The following FBXO32 variants were observed in gnomAD, a reference collection of about 807,000 sequenced individuals.
FBXO32 encodes F-box only protein 32.
In FBXO32, 15 loss-of-function variants were observed where a neutral mutation model predicts 48.3. That is an observed-to-expected ratio of 0.31 (90% CI 0.21 to 0.48). The LOEUF (loss-of-function observed/expected upper bound fraction) is 0.48, where lower values mean the gene tolerates loss of function less well. Ranked by LOEUF, FBXO32 falls within the 20% of genes least tolerant of loss-of-function variation. The pLI, the probability that FBXO32 is intolerant of heterozygous loss-of-function variation, is 0.99. For missense variants in FBXO32, 309 were observed against 432.7 expected, an observed-to-expected ratio of 0.71 and a Z score of 2.54; for synonymous variants, 154 against 165.9, an observed-to-expected ratio of 0.93 and a Z score of 0.55.
chr8:123,528,079 T>C (rs1274229745), intron 4 of FBXO32, among the ~76,000 whole-genome samples: 1 of 152,222 alleles, frequency 6.6e-6, no homozygotes, highest in Non-Finnish European at 1.5e-5. Context: ...CTGATTGGGA[T>C]CACCAGGCAG....
At chr8:123,537,621 A>C (rs1817333239) in intron 1 of FBXO32, among the ~76,000 whole-genome samples, 1 of 152,168 alleles carries the variant, frequency 6.6e-6, no homozygotes, top group Admixed American at 6.5e-5. Flanking sequence ...GCCAGTAGAG[A>C]TTTCTACACC....
At chr8:123,521,973 G>T (rs910402703) in intron 4 of FBXO32, among the ~76,000 whole-genome samples, 2 of 152,074 alleles carry the variant, frequency 1.3e-5, no homozygotes, top group African/African-American at 4.8e-5. Context: ...AAAAAACCTG[G>T]AAAGTTTTGT....
intron 8 of FBXO32, among the ~76,000 whole-genome samples, chr8:123,503,978 G>A (rs1816556809): frequency 6.6e-6 from 1 of 151,930 alleles, no homozygotes; most frequent in African/African-American, 2.4e-5. Flanking sequence ...ACTCGGGGAG[G>A]CTGAAGCAGG....
intron 4 of FBXO32, among the ~76,000 whole-genome samples, chr8:123,515,637 C>A (rs183338099): frequency 1.3e-5 from 2 of 152,080 alleles, no homozygotes; most frequent in Admixed American, 6.6e-5. Flanking sequence ...GAAGTTAGTG[C>A]GTACTTAGTC....
rs888270095 is a variant in FBXO32, at chr8:123,541,074, G to T, written c.-60C>A. On this transcript the variant is annotated 5_prime_UTR_variant, in exon 1 of 9. Transcript: ENST00000517956. The stretch of plus-strand genomic sequence containing the variant: ...GGGCCGGCCTGGTGGGCTCGGGGAC[G>T]TGCCACCCGGGGCGGATGCTCGGGG... 2 of 1,185,840 alleles carry T rather than the reference G, an allele frequency of 1.7e-6. No individual in the cohort carries two copies. Among genetic ancestry groups the T allele is most frequent in the Admixed American group, 5.4e-5 (2 of 37,026 alleles). The allele number at this position is 1,185,840 out of a possible 1,614,324, so 73.5% of individuals were successfully genotyped here. A position where few individuals can be genotyped will look rare whatever the true frequency, so the allele number is the denominator to read the frequency against.
intron 4 of FBXO32, among the ~76,000 whole-genome samples, chr8:123,520,601 AGTTT>A (rs1384297337): frequency 1.3e-5 from 2 of 152,176 alleles, no homozygotes; most frequent in Non-Finnish European, 2.9e-5. Context: ...TATCAACCAA[AGTTT>A]GAAGTGGTGT....
intron 4 of FBXO32, among the ~76,000 whole-genome samples, chr8:123,523,602 C>CAAACA (rs1554662857): frequency 2.6e-5 from 3 of 114,636 alleles, no homozygotes; most frequent in African/African-American, 9.0e-5. Context: ...ACAAAACAAA[C>CAAACA]AACAACAACA....
chr8:123,511,364 T>C (rs1262051446), intron 6 of FBXO32, among the ~76,000 whole-genome samples: 4 of 152,092 alleles, frequency 2.6e-5, no homozygotes, highest in African/African-American at 9.7e-5. Flanking sequence ...GTTCTGAGCA[T>C]GTGAGCCTAT....
chr8:123,535,122 A>C (rs1162222711), intron 1 of FBXO32, among the ~76,000 whole-genome samples: 1 of 152,170 alleles, frequency 6.6e-6, no homozygotes, highest in Non-Finnish European at 1.5e-5. Flanking sequence ...AGAGCAATGC[A>C]GAGTATTACC....
At chr8:123,536,987 C>T (rs1817321315) in intron 1 of FBXO32, among the ~76,000 whole-genome samples, 2 of 152,102 alleles carry the variant, frequency 1.3e-5, no homozygotes, top group South Asian at 4.1e-4. Flanking sequence ...AAAGTTTTAA[C>T]CAAAGAGAAA....
In FBXO32 at chr8:123,540,802, T is replaced by C. The variant is rs980089031; in HGVS notation, c.116+97A>G. The C allele has an allele frequency of 1.0e-4, 107 of 1,065,642 alleles. 1 individual carries two copies. The Middle Eastern group carries it at 1.2e-3, about 12-fold the overall frequency. 66.0% of individuals were successfully genotyped at this position (1,065,642 alleles called of 1,614,324 possible). A position where few individuals can be genotyped will look rare whatever the true frequency, so the allele number is the denominator to read the frequency against. On this transcript the variant is annotated intron_variant, in intron 1 of 8. Transcript: ENST00000517956. The surrounding 1 kb of genome is among the most constrained non-coding windows in gnomAD (Gnocchi z 6.4). ...GTCAGGGTCTCCCTCCTCAGCCCGC[T>C]CCAGCCCTGCCTGCCCCTCATTCGC... is the stretch of plus-strand genomic sequence containing the variant.
chr8:123,523,595 AAAC>A (rs992591171), intron 4 of FBXO32, among the ~76,000 whole-genome samples: 2 of 133,686 alleles, frequency 1.5e-5, no homozygotes, highest in Non-Finnish European at 3.2e-5. Context: ...TCTCAAAACA[AAAC>A]AAACAACAAC....
At chr8:123,519,045 G>A (rs187240356) in intron 4 of FBXO32, among the ~76,000 whole-genome samples, 14 of 152,146 alleles carry the variant, frequency 9.2e-5, no homozygotes, top group African/African-American at 2.4e-4. Context: ...GGCTGGCCTC[G>A]AACTTGTGGG....
rs188491513 is a variant in FBXO32 at position 123,503,527 on chromosome 8, A to T, written c.979-65T>A. On this transcript the variant is annotated intron_variant, in intron 8 of 8. Transcript: ENST00000517956. Reference sequence around the variant, plus strand: ...CCTCTCTTTGGCTTTTAGCACCATAAGGCATTTTCCAACTTCAAAGCAACA... The same window carrying T: ...CCTCTCTTTGGCTTTTAGCACCATATGGCATTTTCCAACTTCAAAGCAACA... The T allele has an allele frequency of 5.3e-6, 7 of 1,318,556 alleles. No homozygotes were observed. The East Asian group carries it at 1.4e-4, about 26-fold the overall frequency. 81.7% of individuals were successfully genotyped at this position (1,318,556 alleles called of 1,614,324 possible). A position where few individuals can be genotyped will look rare whatever the true frequency, so the allele number is the denominator to read the frequency against.
chr8:123,499,168 C>T lies in FBXO32; in HGVS notation c.*4205G>A, dbSNP rs770852450. 2.6e-5 allele frequency: 4 copies of T among 152,186 alleles called. No homozygotes were observed. The highest frequency in any genetic ancestry group is 2.1e-4 in the South Asian group (1 of 4,828). 9.4% of individuals were successfully genotyped at this position (152,186 alleles called of 1,614,324 possible). A position where few individuals can be genotyped will look rare whatever the true frequency, so the allele number is the denominator to read the frequency against. On this transcript the variant is annotated 3_prime_UTR_variant, in exon 9 of 9. Coordinates refer to ENST00000517956, the MANE Select transcript of FBXO32 (RefSeq NM_058229.4). ...TAAACATTCTGGATCTCTTACTCAT[C>T]GTGAAAGGCAGACGCTCTAAGTCTA...
intron 4 of FBXO32, among the ~76,000 whole-genome samples, chr8:123,515,042 A>G (rs1055611318): frequency 6.6e-6 from 1 of 152,206 alleles, no homozygotes; most frequent in African/African-American, 2.4e-5. Context: ...GCAAGTTACT[A>G]TATTTCTTGG....
chr8:123,500,585 G>A lies in FBXO32; in HGVS notation c.*2788C>T, dbSNP rs1436909441. 3 of 152,216 alleles carry A rather than the reference G, an allele frequency of 2.0e-5. No individual in the cohort carries two copies. The highest frequency in any genetic ancestry group is 4.4e-5 in the Non-Finnish European group (3 of 68,040). The allele number at this position is 152,216 out of a possible 1,614,324, so 9.4% of individuals were successfully genotyped here. ...TATTATTGTTCAAAGAGCAAGAATT[G>A]TCTTAACTCTCTTCACTTATATGTG... On this transcript the variant is annotated 3_prime_UTR_variant, in exon 9 of 9. Coordinates refer to ENST00000517956, the MANE Select transcript of FBXO32 (RefSeq NM_058229.4).
chr8:123,501,363 C>CAAAAAAAAAA lies in FBXO32; in HGVS notation c.*2000_*2009dup, dbSNP rs142414834. On this transcript the variant is annotated 3_prime_UTR_variant, in exon 9 of 9. Coordinates refer to ENST00000517956, the MANE Select transcript of FBXO32 (RefSeq NM_058229.4). Reference sequence around the variant, plus strand: ...AATTGGTTCAGGGGGAGAGGGATTGCAAAAAAAAAACAAAAAAAAACAAAA... The same window carrying CAAAAAAAAAA: ...AATTGGTTCAGGGGGAGAGGGATTGCAAAAAAAAAAAAAAAAAAAACAAAAAAAAACAAAA... 10 of 81,188 alleles carry CAAAAAAAAAA rather than the reference C, an allele frequency of 1.2e-4. No individual in the cohort carries two copies. Among genetic ancestry groups the CAAAAAAAAAA allele is most frequent in the African/African-American group, 1.6e-4 (4 of 24,806 alleles). The allele number at this position is 81,188 out of a possible 1,614,324, so 5.0% of individuals were successfully genotyped here. A position where few individuals can be genotyped will look rare whatever the true frequency, so the allele number is the denominator to read the frequency against.
chr8:123,517,137 A>G (rs7834818), intron 4 of FBXO32, among the ~76,000 whole-genome samples: 53,338 of 152,022 alleles, frequency 0.35, 10,400 homozygotes, highest in East Asian at 0.66. Flanking sequence ...AAGGGCAGTC[A>G]GCTGTGCACT....
Sources: gnomAD v4.1 joint callset for allele counts (sites outside exome capture counted in the v4.1 genomes callset) on GRCh38, gnomAD v4.1.1 for gene constraint, Gnocchi (gnomAD v3.1) non-coding constraint, MANE v1.5 for transcripts, NCBI Gene and HGNC (gene_info 2026-07-23, HGNC 2026-07-21) for gene names.